LMO4: variants seen among roughly 807,000 people sequenced by gnomAD.
LMO4 encodes the protein LIM domain transcription factor LMO4.
LMO4 carries 3 observed loss-of-function variants against 18.5 expected under a neutral mutation model. That is an observed-to-expected ratio of 0.16 (90% confidence interval 0.07 to 0.42). LMO4 has a LOEUF of 0.42. Ranked by LOEUF, LMO4 falls within the 10% of genes least tolerant of loss-of-function variation. The pLI, the probability that LMO4 is intolerant of heterozygous loss-of-function variation, is 0.99. For synonymous variants in LMO4, 100 were observed against 88.1 expected, an observed-to-expected ratio of 1.14 and a Z score of -0.76; for missense variants, 121 against 219.9, an observed-to-expected ratio of 0.55 and a Z score of 2.84.
intron 1 of LMO4, 161 bp from the exon 2 acceptor site, chr1:87,331,852 C>T (rs1323033996): frequency 6.8e-6 from 4 of 590,666 alleles, no homozygotes; most frequent in African/African-American, 1.9e-5. Context: ...CTCCCTTCTT[C>T]CCTCTCCCCC....
At chr1:87,334,103 G>A (rs1240887676) in intron 2 of LMO4, among the ~76,000 whole-genome samples, 1 of 152,178 alleles carries the variant, frequency 6.6e-6, no homozygotes, top group Admixed American at 6.5e-5. Context: ...AATGTAAATG[G>A]CCTTTTGGTG....
chr1:87,336,512 T>C (rs1650318421), intron 2 of LMO4, among the ~76,000 whole-genome samples: 1 of 152,206 alleles, frequency 6.6e-6, no homozygotes, highest in Admixed American at 6.5e-5. Flanking sequence ...GCCCTCCATC[T>C]CTTAATGCCA....
intron 1 of LMO4, among the ~76,000 whole-genome samples, chr1:87,330,031 A>T (rs146386206): frequency 6.8e-6 from 1 of 147,730 alleles, no homozygotes; most frequent in East Asian, 2.0e-4. Context: ...TTCCAACTCT[A>T]AATGAAACTT....
At position 87,348,737 on chromosome 1, in the gene LMO4, G is replaced by T; in HGVS notation, c.*3941G>T. On this transcript the variant is annotated 3_prime_UTR_variant, in exon 5 of 5. Coordinates refer to ENST00000370544, the MANE Select transcript of LMO4 (RefSeq NM_006769.4). Reference sequence around the variant, plus strand: ...TTCAGTTGTGCAAGAAGTGCTTTATGCTAGTAGATATGTGCATGTTTCCTA... The same window carrying T: ...TTCAGTTGTGCAAGAAGTGCTTTATTCTAGTAGATATGTGCATGTTTCCTA... The T allele has an allele frequency of 1.9e-6, 1 of 516,538 alleles. No homozygotes were observed. Among genetic ancestry groups the T allele is most frequent in the Non-Finnish European group, 3.9e-6 (1 of 258,854 alleles). The allele number at this position is 516,538 out of a possible 1,614,324, so 32.0% of individuals were successfully genotyped here.
chr1:87,335,040 G>C (rs1570650690), intron 2 of LMO4, among the ~76,000 whole-genome samples: 1 of 130,082 alleles, frequency 7.7e-6, no homozygotes, highest in South Asian at 2.6e-4. Flanking sequence ...AGAATGAAGG[G>C]GGGGGGGTTG....
At chr1:87,337,505 A>T (rs1291044486) in intron 2 of LMO4, among the ~76,000 whole-genome samples, 1 of 152,208 alleles carries the variant, frequency 6.6e-6, no homozygotes, top group Non-Finnish European at 1.5e-5. Flanking sequence ...ATTCTTATCC[A>T]TTAAAATACT....
At position 87,347,176 on chromosome 1, in the gene LMO4, G is replaced by A. The variant is rs919811041; in HGVS notation, c.*2380G>A. The A allele has an allele frequency of 1.1e-4, 17 of 152,298 alleles. No homozygotes were observed. The highest frequency in any genetic ancestry group is 3.6e-4 in the African/African-American group (15 of 41,556). 9.4% of individuals were successfully genotyped at this position (152,298 alleles called of 1,614,324 possible). On this transcript the variant is annotated 3_prime_UTR_variant, in exon 5 of 5. Coordinates refer to ENST00000370544, the MANE Select transcript of LMO4 (RefSeq NM_006769.4). ...GTTGCAGACCTATAAGATTACAAAT[G>A]TCACTCATGTTAGTATAATCCACAT...
Position 87,346,809 on chromosome 1 carries a change from T to C in LMO4, c.*2013T>C, listed in dbSNP as rs778182953. The C allele has an allele frequency of 6.6e-6, 1 of 152,258 alleles. No individual in the cohort carries two copies. Among genetic ancestry groups the C allele is most frequent in the South Asian group, 2.1e-4 (1 of 4,834 alleles). 9.4% of individuals were successfully genotyped at this position (152,258 alleles called of 1,614,324 possible). On this transcript the variant is annotated 3_prime_UTR_variant, in exon 5 of 5. Coordinates refer to ENST00000370544, the MANE Select transcript of LMO4 (RefSeq NM_006769.4). ...ATATATGTTTGAATTAGATGTCTGTTTGAATTAGATCCTTGGGGAATTTCT... is the reference window on the plus strand; with the variant it reads ...ATATATGTTTGAATTAGATGTCTGTCTGAATTAGATCCTTGGGGAATTTCT...
At position 87,346,433 on chromosome 1, in the gene LMO4, A is replaced by G. The variant is rs987820174; in HGVS notation, c.*1637A>G. 2.0e-5 allele frequency: 3 copies of G among 152,250 alleles called. No individual in the cohort carries two copies. The highest frequency in any genetic ancestry group is 7.2e-5 in the African/African-American group (3 of 41,464). The allele number at this position is 152,250 out of a possible 1,614,324, so 9.4% of individuals were successfully genotyped here. Reference sequence around the variant, plus strand: ...TGAGCAAATTTCAACTACAACTTCCATCACAGGCTAATAAAACCAGGTGTG... The same window carrying G: ...TGAGCAAATTTCAACTACAACTTCCGTCACAGGCTAATAAAACCAGGTGTG... On this transcript the variant is annotated 3_prime_UTR_variant, in exon 5 of 5. Coordinates refer to ENST00000370544, the MANE Select transcript of LMO4 (RefSeq NM_006769.4).
chr1:87,340,290 G>T (rs767540608), intron 4 of LMO4, 88 bp downstream of exon 4: 1 of 1,333,408 alleles, frequency 7.5e-7, no homozygotes, highest in African/African-American at 1.5e-5. Flanking sequence ...TTCTTGGGTG[G>T]TTGTATTTTT....
chr1:87,332,333 T>C, intron 2 of LMO4, 82 bp downstream of exon 2: 1 of 1,081,544 alleles, frequency 9.2e-7, no homozygotes, highest in East Asian at 2.5e-5. Flanking sequence ...AGGAAAGGAG[T>C]AGGCGTCTAC....
At chr1:87,331,530 C>A (rs2100773409) in intron 1 of LMO4, 1 of 157,322 alleles carries the variant, frequency 6.4e-6, no homozygotes, top group African/African-American at 2.4e-5. Flanking sequence ...GGGGCCGCCG[C>A]CTCCCCACTC....
At chr1:87,336,040 T>TCCCTCCCCTCTCTAATGCAGCAGTTGTG (rs142291969) in intron 2 of LMO4, among the ~76,000 whole-genome samples, 25,671 of 151,884 alleles carry the variant, frequency 0.17, 3,099 homozygotes, top group African/African-American at 0.33. Flanking sequence ...TTTTTTTTCC[T>TCCCTCCCCTCTCTAATGCAGCAGTTGTG]ATTATGCACA....
intron 2 of LMO4, 39 bp downstream of exon 2, chr1:87,332,290 G>T (rs1343186086): frequency 2.7e-6 from 4 of 1,506,294 alleles, no homozygotes; most frequent in Non-Finnish European, 3.7e-6. Context: ...GGGGGGAAGA[G>T]CAATGGCAAG....
In LMO4 at chr1:87,332,403, G is replaced by T. The variant is rs2100774375; in HGVS notation, c.236+152G>T. On this transcript the variant is annotated intron_variant, in intron 2 of 4. Transcript: ENST00000370544. ...AGTTGGCGGAATTTAAGGGGTTCAG[G>T]AAGCATGTGTTAGTCTTCCAATATC... 1.1e-5 allele frequency: 7 copies of T among 638,076 alleles called. No homozygotes were observed. In the South Asian group the frequency reaches 1.4e-4, roughly 13 times the overall value. 39.5% of individuals were successfully genotyped at this position (638,076 alleles called of 1,614,324 possible).
intron 2 of LMO4, among the ~76,000 whole-genome samples, chr1:87,337,883 T>C (rs746827768): frequency 6.6e-6 from 1 of 152,208 alleles, no homozygotes; most frequent in Non-Finnish European, 1.5e-5. Context: ...CATGGTGTGG[T>C]CCTGCAGCTA....
rs1349198284 is a variant in LMO4 at position 87,329,098 on chromosome 1, C to T, written c.-150C>T. The T allele has an allele frequency of 6.6e-6, 1 of 151,922 alleles. No homozygotes were observed. The highest frequency in any genetic ancestry group is 1.5e-5 in the Non-Finnish European group (1 of 67,964). The allele number at this position is 151,922 out of a possible 1,614,324, so 9.4% of individuals were successfully genotyped here. A position where few individuals can be genotyped will look rare whatever the true frequency, so the allele number is the denominator to read the frequency against. ...AAAAAAAAAAAAGCCGCCCTTAGCC[C>T]CCTCCTCCCCTTTCCTGCTTCTGCG... On this transcript the variant is annotated 5_prime_UTR_variant, in exon 1 of 5. Transcript: ENST00000370544.
intron 4 of LMO4, among the ~76,000 whole-genome samples, chr1:87,341,153 A>G (rs908481877): frequency 2.6e-5 from 4 of 152,226 alleles, no homozygotes; most frequent in African/African-American, 4.8e-5. Context: ...ACTCGTGTGC[A>G]TAATTTTATT....
chr1:87,339,188 A>G (rs2100564037), intron 2 of LMO4, among the ~76,000 whole-genome samples: 1 of 152,196 alleles, frequency 6.6e-6, no homozygotes, highest in African/African-American at 2.4e-5. Flanking sequence ...ATATAATTTC[A>G]AGGACACAAT....
Sources: allele counts gnomAD v4.1 joint callset (sites outside exome capture counted in the v4.1 genomes callset), GRCh38; gene constraint gnomAD v4.1.1; transcripts MANE v1.5; gene names NCBI Gene and HGNC (gene_info 2026-07-23, HGNC 2026-07-21).